The following JAKMIP1 variants were observed in gnomAD, a reference collection of about 807,000 sequenced individuals.
The protein encoded by JAKMIP1 is janus kinase and microtubule interacting protein 1, also known as janus kinase and microtubule-interacting protein 1.
JAKMIP1 carries 33 observed loss-of-function variants against 113.0 expected under a neutral mutation model. The ratio of observed to expected loss-of-function variants is 0.29; its 90% confidence interval spans 0.22 to 0.39. The LOEUF is 0.39. Among genes scored for constraint, JAKMIP1 ranks in the 10% least tolerant of loss-of-function variants. The pLI is 1.00. For synonymous variants in JAKMIP1, 480 were observed against 459.9 expected (o/e 1.04, Z -0.56); for missense variants, 813 against 1,080.5 (o/e 0.75, Z 3.47).
At chr4:6,133,936 C>T (rs1487835990) in intron 1 of JAKMIP1, among the ~76,000 whole-genome samples, 1 of 152,196 alleles carries the variant, frequency 6.6e-6, no homozygotes, top group Non-Finnish European at 1.5e-5. Flanking sequence ...GGGGCTGGAT[C>T]CCTGAATCAC....
intron 8 of JAKMIP1, among the ~76,000 whole-genome samples, chr4:6,072,924 C>CA (rs1320421696): frequency 1.3e-5 from 2 of 151,512 alleles, no homozygotes; most frequent in African/African-American, 2.4e-5. Flanking sequence ...ACTAAAAATA[C>CA]AAAAAAAATT....
chr4:6,123,664 T>C (rs2108914043), intron 1 of JAKMIP1, among the ~76,000 whole-genome samples: 1 of 152,088 alleles, frequency 6.6e-6, no homozygotes, highest in African/African-American at 2.4e-5. Context: ...TACAAAAAAA[T>C]GTAAAAGTTA....
chr4:6,196,403 A>G (rs1401728311), intron 1 of JAKMIP1, among the ~76,000 whole-genome samples: 2 of 152,160 alleles, frequency 1.3e-5, no homozygotes, highest in Non-Finnish European at 2.9e-5. Context: ...GCCTCAGAAA[A>G]GAATGAGCAA....
rs981400663 is a variant in JAKMIP1, at chr4:6,051,487, G to T, written c.1807-808C>A. 6.6e-6 allele frequency among the ~76,000 whole-genome samples: 1 copy of T among 151,972 alleles called. No homozygotes were observed. Among genetic ancestry groups the T allele is most frequent in the East Asian group, 1.9e-4 (1 of 5,162 alleles). Reference sequence around the variant, plus strand: ...TCCAGAGACCTCAGGTGATCCACCCGCCTCGGCCTCCCAAAGTGCTGGGAT... The same window carrying T: ...TCCAGAGACCTCAGGTGATCCACCCTCCTCGGCCTCCCAAAGTGCTGGGAT... On this transcript the variant is annotated intron_variant, in intron 13 of 20. Transcript: ENST00000409021. The surrounding 1 kb of genome is among the most constrained non-coding windows in gnomAD (Gnocchi z 5.0).
At chr4:6,058,044 T>G (rs1578114355) in intron 11 of JAKMIP1, among the ~76,000 whole-genome samples, 1 of 152,340 alleles carries the variant, frequency 6.6e-6, no homozygotes, top group African/African-American at 2.4e-5. Flanking sequence ...GCAAACTGAT[T>G]CAGCGTCCCA....
At chr4:6,191,540 G>A (rs1727259306) in intron 1 of JAKMIP1, among the ~76,000 whole-genome samples, 1 of 152,234 alleles carries the variant, frequency 6.6e-6, no homozygotes, top group Non-Finnish European at 1.5e-5. Flanking sequence ...TTTGTCATCA[G>A]GCTGAGCTTC....
Position 6,114,156 on chromosome 4 carries a change from G to A in JAKMIP1, c.-147-1159C>T, listed in dbSNP as rs563425137. On this transcript the variant is annotated intron_variant, in intron 1 of 20. Coordinates refer to ENST00000409021, the MANE Select transcript of JAKMIP1 (RefSeq NM_001099433.2). ...GTGGCGTTGGGATTAGATTATGTAG[G>A]GAATGAATGCAGAGCGAGGAGGGAA... is the stretch of plus-strand genomic sequence containing the variant. Among the ~76,000 whole-genome samples the A allele has an allele frequency of 9.2e-5, 14 of 152,170 alleles. No homozygotes were observed. In the East Asian group the frequency reaches 2.7e-3, roughly 29 times the overall value.
At chr4:6,198,004 C>CA (rs1560365002) in intron 1 of JAKMIP1, among the ~76,000 whole-genome samples, 1 of 152,212 alleles carries the variant, frequency 6.6e-6, no homozygotes, top group Non-Finnish European at 1.5e-5. Context: ...GCACATGACT[C>CA]TCTGACAGCA....
At chr4:6,144,656 G>T (rs1252903312) in intron 1 of JAKMIP1, among the ~76,000 whole-genome samples, 1 of 152,144 alleles carries the variant, frequency 6.6e-6, no homozygotes. Context: ...GTACAAAAAA[G>T]ACATGTTACA....
At position 6,150,065 on chromosome 4, in the gene JAKMIP1, C is replaced by T. The variant is rs555989341; in HGVS notation, c.-147-37068G>A. Among the ~76,000 whole-genome samples, 5 of 152,182 alleles carry T rather than the reference C, an allele frequency of 3.3e-5. No individual in the cohort carries two copies. Among genetic ancestry groups the T allele is most frequent in the South Asian group, 2.1e-4 (1 of 4,828 alleles). ...TACACACTCATTCTTCCAAGAAACA[C>T]GCCTACAAGTTTGTGGAGCGCCTGC... On this transcript the variant is annotated intron_variant, in intron 1 of 20. Coordinates refer to ENST00000409021, the MANE Select transcript of JAKMIP1 (RefSeq NM_001099433.2). This position sits in a 1 kb window ranked among gnomAD's most constrained non-coding sequence, Gnocchi z 4.8.
At position 6,105,436 on chromosome 4, in the gene JAKMIP1, C is replaced by T. The variant is rs754838779; in HGVS notation, c.624+37G>A. The T allele has an allele frequency of 7.1e-6, 11 of 1,539,438 alleles. No homozygotes were observed. The East Asian group carries it at 2.5e-4, about 35-fold the overall frequency. On this transcript the variant is annotated intron_variant, in intron 3 of 20. Transcript: ENST00000409021. ...CCCCCATGCGTGCAGGGAGGGAAGGCCGCGTGCCCGCGGGCGGGGGAGGGG... is the reference window on the plus strand; with the variant it reads ...CCCCCATGCGTGCAGGGAGGGAAGGTCGCGTGCCCGCGGGCGGGGGAGGGG...
intron 1 of JAKMIP1, among the ~76,000 whole-genome samples, chr4:6,171,221 A>AT (rs1724646783): frequency 1.3e-5 from 2 of 150,580 alleles, no homozygotes; most frequent in Non-Finnish European, 3.0e-5. Context: ...CATCACCACC[A>AT]CCACCATTCC....
intron 3 of JAKMIP1, among the ~76,000 whole-genome samples, chr4:6,091,493 G>A (rs774371751): frequency 6.6e-6 from 1 of 152,250 alleles, no homozygotes; most frequent in Non-Finnish European, 1.5e-5. Flanking sequence ...TCTAACTCTC[G>A]GCAGATATGG....
At chr4:6,111,373 T>C (rs2108887306) in intron 2 of JAKMIP1, among the ~76,000 whole-genome samples, 1 of 152,314 alleles carries the variant, frequency 6.6e-6, no homozygotes, top group Non-Finnish European at 1.5e-5. Flanking sequence ...GTGCTCAGCC[T>C]GGCTGGCAGC....
rs1439318235 is a variant in JAKMIP1 at position 6,116,957 on chromosome 4, G to A, written c.-147-3960C>T. On this transcript the variant is annotated intron_variant, in intron 1 of 20. Coordinates refer to ENST00000409021, the MANE Select transcript of JAKMIP1 (RefSeq NM_001099433.2). The surrounding 1 kb of genome is among the most constrained non-coding windows in gnomAD (Gnocchi z 5.1). ...CAAGCACAGAGTCAAGACCAGCTAT[G>A]TATTTGCAGCCCAGTGCAAAATGAA... Among the ~76,000 whole-genome samples the A allele has an allele frequency of 6.6e-6, 1 of 152,204 alleles. No homozygotes were observed. The highest frequency in any genetic ancestry group is 2.4e-5 in the African/African-American group (1 of 41,454).
rs1722329726 is a variant in JAKMIP1 at position 6,157,068 on chromosome 4, T to G, written c.-148+43185A>C. On this transcript the variant is annotated intron_variant, in intron 1 of 20. Coordinates refer to ENST00000409021, the MANE Select transcript of JAKMIP1 (RefSeq NM_001099433.2). The surrounding 1 kb of genome is among the most constrained non-coding windows in gnomAD (Gnocchi z 4.7). ...TTAATGCCATTATTGCCGGAGTGGA[T>G]TCCTGATAAAAAGCTGAGTTCAGCC... 6.6e-6 allele frequency among the ~76,000 whole-genome samples: 1 copy of G among 152,196 alleles called. No individual in the cohort carries two copies. The highest frequency in any genetic ancestry group is 1.5e-5 in the Non-Finnish European group (1 of 68,036).
chr4:6,065,906 C>T lies in JAKMIP1; in HGVS notation c.1303-898G>A, dbSNP rs1169594388. Among the ~76,000 whole-genome samples, 1 of 152,212 alleles carries T rather than the reference C, an allele frequency of 6.6e-6. No homozygotes were observed. On this transcript the variant is annotated intron_variant, in intron 8 of 20. Coordinates refer to ENST00000409021, the MANE Select transcript of JAKMIP1 (RefSeq NM_001099433.2). The surrounding 1 kb of genome is among the most constrained non-coding windows in gnomAD (Gnocchi z 5.1). ...GATCATAACCAGGCCAGGTCCCTGCCCCAAGGAGCTTGCATCCCCTAGGGG... is the reference window on the plus strand; with the variant it reads ...GATCATAACCAGGCCAGGTCCCTGCTCCAAGGAGCTTGCATCCCCTAGGGG...
rs750276801 is a variant in JAKMIP1, at chr4:6,085,488, G to A, written c.766C>T (p.His256Tyr). 1.9e-6 allele frequency: 3 copies of A among 1,613,998 alleles called. No homozygotes were observed. The highest frequency in any genetic ancestry group is 1.7e-6 in the Non-Finnish European group (2 of 1,180,052). Residue 256 changes from histidine to tyrosine, a missense_variant, in exon 4 of 21, where the codon CAC (histidine) becomes TAC (tyrosine). His to Tyr is a moderately conservative substitution (Grantham distance 83). Around this residue, in one of 2 missense-constraint regions of JAKMIP1, gnomAD observed 540 missense variants for 653.9 expected, o/e 0.83. Coordinates refer to ENST00000409021, the MANE Select transcript of JAKMIP1 (RefSeq NM_001099433.2). ...AGCTCTCTCTTTGGACTACTGTGGT[G>A]CCGCTCGGCCTCCTTGACCTGAACC... ...QLVQVKEAER[H>Y]HSSPKRELPP...
intron 11 of JAKMIP1, among the ~76,000 whole-genome samples, chr4:6,058,409 T>C (rs1716785178): frequency 6.6e-6 from 1 of 152,274 alleles, no homozygotes; most frequent in South Asian, 2.1e-4. Flanking sequence ...CTTTGTACTT[T>C]AACCAAGATA....
Sources: allele counts gnomAD v4.1 joint callset (sites outside exome capture counted in the v4.1 genomes callset), GRCh38; gene constraint gnomAD v4.1.1; regional missense constraint gnomAD v4.1.1; non-coding constraint Gnocchi (gnomAD v3.1); transcripts MANE v1.5; gene names NCBI Gene and HGNC (gene_info 2026-07-23, HGNC 2026-07-21).